TBC1D14: variants seen among roughly 807,000 people sequenced by gnomAD.
TBC1D14 encodes the protein TBC1 domain family, member 14.
A neutral mutation model predicts 79.0 loss-of-function variants in TBC1D14; 26 were observed. That is an observed-to-expected ratio of 0.33 (90% CI 0.24 to 0.46). The LOEUF (loss-of-function observed/expected upper bound fraction) is 0.46. Ranked by LOEUF, TBC1D14 falls within the 20% of genes least tolerant of loss-of-function variation. TBC1D14 has a pLI of 1.00. For missense variants in TBC1D14, 769 were observed against 887.6 expected (o/e 0.87, Z 1.70); for synonymous variants, 394 against 349.9 (o/e 1.13, Z -1.40).
chr4:6,918,209 G>A (rs1475560992), intron 1 of TBC1D14, among the ~76,000 whole-genome samples: 1 of 152,134 alleles, frequency 6.6e-6, no homozygotes. Flanking sequence ...TCTTCTTGGC[G>A]GCAATTCAGG....
At chr4:6,996,508 C>A in intron 5 of TBC1D14, 101 bp downstream of exon 5, 21 of 839,150 alleles carry the variant, frequency 2.5e-5, no homozygotes, top group East Asian at 5.4e-5. Context: ...ACCTGAACTT[C>A]AGTCTTTGAA....
chr4:6,972,538 C>T (rs774701667), intron 3 of TBC1D14, among the ~76,000 whole-genome samples: 4 of 152,230 alleles, frequency 2.6e-5, no homozygotes, highest in Non-Finnish European at 5.9e-5. Flanking sequence ...GTTAGAGTGC[C>T]TGGAAGGCCC....
chr4:6,928,616 T>A (rs1405482865), intron 2 of TBC1D14, among the ~76,000 whole-genome samples: 2 of 152,180 alleles, frequency 1.3e-5, no homozygotes, highest in African/African-American at 4.8e-5. Context: ...GCAGATCACC[T>A]GAAGTCAGGA....
At chr4:7,027,950 ACC>A (rs1329860060) in intron 13 of TBC1D14, among the ~76,000 whole-genome samples, 31 of 102,926 alleles carry the variant, frequency 3.0e-4, no homozygotes, top group Admixed American at 4.2e-4. Context: ...CGCACAGATC[ACC>A]CCCCACACAC....
rs1464489011 is a variant in TBC1D14, at chr4:6,977,198, C to G, written c.843+9774C>G. On this transcript the variant is annotated intron_variant, in intron 3 of 13. Transcript: ENST00000409757. ...CAAAGCTGGACTGTACTGCTGCCAT[C>G]TCGGCTCACTGCAACCTCCCTGCCT... Among the ~76,000 whole-genome samples the G allele has an allele frequency of 5.6e-4, 79 of 141,006 alleles. 1 individual carries two copies. Among genetic ancestry groups the G allele is most frequent in the Middle Eastern group, 3.6e-3 (1 of 278 alleles). The allele number at this position is 141,006 out of a possible 152,430, so 92.5% of individuals were successfully genotyped here. A position where few individuals can be genotyped will look rare whatever the true frequency, so the allele number is the denominator to read the frequency against.
chr4:6,999,832 G>C lies in TBC1D14; in HGVS notation c.1163+630G>C, dbSNP rs902105797. On this transcript the variant is annotated intron_variant, in intron 6 of 13. Transcript: ENST00000409757. ...CTGTCTTCCTCTCTTTGAGGATAGTGACCCCAGTGTCCAGTAGAGTGCACC... is the reference window on the plus strand; with the variant it reads ...CTGTCTTCCTCTCTTTGAGGATAGTCACCCCAGTGTCCAGTAGAGTGCACC... 3.9e-5 allele frequency among the ~76,000 whole-genome samples: 6 copies of C among 152,120 alleles called. No individual in the cohort carries two copies. In the East Asian group the frequency reaches 9.6e-4, roughly 24 times the overall value.
intron 3 of TBC1D14, among the ~76,000 whole-genome samples, chr4:6,990,029 T>C (rs1408498054): frequency 6.6e-6 from 1 of 152,264 alleles, no homozygotes; most frequent in African/African-American, 2.4e-5. Context: ...TGTACTGACA[T>C]AACTAAGTGT....
Position 6,923,439 on chromosome 4 carries a change from G to T in TBC1D14, c.50G>T (p.Gly17Val), listed in dbSNP as rs757751419. 2.5e-6 allele frequency: 4 copies of T among 1,614,104 alleles called. No individual in the cohort carries two copies. Among genetic ancestry groups the T allele is most frequent in the Non-Finnish European group, 1.7e-6 (2 of 1,180,028 alleles). ...TCTACAAATGGCGTAGCCTTCATGG[G>T]TATTCTGGATGGTCGACCAGGAAAC... ...STSTNGVAFMGILDGRPGNPL... is the reference protein window; with the variant it reads ...STSTNGVAFMVILDGRPGNPL... Residue 17 changes from glycine to valine, a missense_variant, in exon 2 of 14, where the codon GGT becomes GTT. This residue lies in a region of TBC1D14 where 402 missense variants were observed against 393.2 expected (regional missense o/e 1.02). Transcript: ENST00000409757.
chr4:7,014,625 C>T, intron 12 of TBC1D14, 68 bp downstream of exon 12: 1 of 1,097,102 alleles, frequency 9.1e-7, no homozygotes, highest in South Asian at 1.3e-5. Flanking sequence ...ACTCTCTTCT[C>T]TGCCAACTTC....
chr4:6,960,213 C>T (rs1715059980), intron 2 of TBC1D14, among the ~76,000 whole-genome samples: 1 of 151,228 alleles, frequency 6.6e-6, no homozygotes, highest in Non-Finnish European at 1.5e-5. Context: ...TACCAAGTAG[C>T]TGGGACTACA....
intron 3 of TBC1D14, among the ~76,000 whole-genome samples, chr4:6,984,522 A>G (rs774815715): frequency 1.3e-5 from 2 of 152,224 alleles, no homozygotes; most frequent in Admixed American, 1.3e-4. Flanking sequence ...GAATTAGCTT[A>G]AAAATTATTT....
intron 2 of TBC1D14, among the ~76,000 whole-genome samples, chr4:6,966,195 T>G (rs1715685485): frequency 6.6e-6 from 1 of 152,280 alleles, no homozygotes; most frequent in Non-Finnish European, 1.5e-5. Context: ...GGCTGGCTAC[T>G]GTTTCTTTTA....
chr4:6,949,191 G>A (rs1028071225), intron 2 of TBC1D14, among the ~76,000 whole-genome samples: 4 of 151,900 alleles, frequency 2.6e-5, no homozygotes, highest in African/African-American at 9.7e-5. Context: ...AAGGCTGGGC[G>A]CAGCGGCTCA....
chr4:6,931,776 T>TA (rs11411544), intron 2 of TBC1D14, among the ~76,000 whole-genome samples: 13,690 of 151,416 alleles, frequency 0.09, 803 homozygotes, highest in Middle Eastern at 0.16. Context: ...ATACATTCTT[T>TA]AAAAAAAAAT....
intron 3 of TBC1D14, among the ~76,000 whole-genome samples, chr4:6,988,506 A>G (rs1013923975): frequency 1.6e-4 from 25 of 152,234 alleles, no homozygotes; most frequent in African/African-American, 5.5e-4. Flanking sequence ...CAGCCTGTGC[A>G]GATGTGGTGG....
chr4:6,993,203 C>T (rs900924833), intron 3 of TBC1D14, among the ~76,000 whole-genome samples: 4 of 152,216 alleles, frequency 2.6e-5, no homozygotes, highest in Admixed American at 1.3e-4. Flanking sequence ...AGATTATCTT[C>T]CCTTCAGGGG....
Position 6,998,880 on chromosome 4 carries a change from G to T in TBC1D14, c.1046-205G>T, listed in dbSNP as rs1453153182. ...TCTTTGTGTACTTTCCTGTCTAGAT[G>T]TTAGACTTTGCAAGCTTACTAAAGG... On this transcript the variant is annotated intron_variant, in intron 5 of 13. Coordinates refer to ENST00000409757, the MANE Select transcript of TBC1D14 (RefSeq NM_020773.3). 9 of 554,684 alleles carry T rather than the reference G, an allele frequency of 1.6e-5. No homozygotes were observed. In the South Asian group the frequency reaches 1.8e-4, roughly 11 times the overall value. 34.4% of individuals were successfully genotyped at this position (554,684 alleles called of 1,614,324 possible). A position where few individuals can be genotyped will look rare whatever the true frequency, so the allele number is the denominator to read the frequency against.
intron 2 of TBC1D14, among the ~76,000 whole-genome samples, chr4:6,953,023 C>CTTTTTTT (rs371101904): frequency 6.5e-5 from 7 of 107,112 alleles, no homozygotes; most frequent in African/African-American, 1.5e-4. Context: ...TTTTTTCTTT[C>CTTTTTTT]TTTTTTTTTT....
At chr4:7,020,408 G>A (rs1382326027) in intron 12 of TBC1D14, among the ~76,000 whole-genome samples, 1 of 152,184 alleles carries the variant, frequency 6.6e-6, no homozygotes, top group Non-Finnish European at 1.5e-5. Context: ...TTCTTACCTA[G>A]CACTGTCTAA....
Sources: allele counts gnomAD v4.1 joint callset (sites outside exome capture counted in the v4.1 genomes callset), GRCh38; gene constraint gnomAD v4.1.1; regional missense constraint gnomAD v4.1.1; transcripts MANE v1.5; gene names NCBI Gene and HGNC (gene_info 2026-07-23, HGNC 2026-07-21).